Variants in CFHR4 observed in about 807,000 individuals in gnomAD.
CFHR4 encodes the protein complement factor H-related protein 4.
Under a neutral mutation model 69.3 loss-of-function variants are expected in CFHR4, and 64 were observed. That is an observed-to-expected ratio of 0.92 (90% CI 0.76 to 1.14). The LOEUF is 1.14. Among genes scored for constraint, CFHR4 ranks in the 50% most tolerant of loss-of-function variants. The pLI, the probability that CFHR4 is intolerant of heterozygous loss-of-function variation, is 0.00. For missense variants in CFHR4, 636 were observed against 684.9 expected, an observed-to-expected ratio of 0.93 and a Z score of 0.80; for synonymous variants, 244 against 237.0, an observed-to-expected ratio of 1.03 and a Z score of -0.27.
At chr1:196,911,349 T>A (rs1187285586) in intron 6 of CFHR4, among the ~76,000 whole-genome samples, 2 of 151,522 alleles carry the variant, frequency 1.3e-5, no homozygotes, top group East Asian at 3.9e-4. Flanking sequence ...CGGATTAAAG[T>A]AACATTGCTT....
intron 1 of CFHR4, among the ~76,000 whole-genome samples, chr1:196,900,034 T>C (rs903748122): frequency 1.3e-5 from 2 of 151,488 alleles, no homozygotes; most frequent in Non-Finnish European, 1.5e-5. Flanking sequence ...TCCAGAAGAA[T>C]CCTACGTGCA....
intron 1 of CFHR4, among the ~76,000 whole-genome samples, chr1:196,890,269 GGCAAA>G (rs1225965505): frequency 6.6e-6 from 1 of 151,356 alleles, no homozygotes; most frequent in African/African-American, 2.4e-5. Context: ...TTCAGAATCT[GGCAAA>G]GCAAACCTGA....
intron 1 of CFHR4, among the ~76,000 whole-genome samples, chr1:196,890,781 G>A (rs1189024769): frequency 6.6e-6 from 1 of 151,202 alleles, no homozygotes; most frequent in African/African-American, 2.4e-5. Context: ...TGTATTTCAC[G>A]TGCCCCCATT....
At chr1:196,907,111 TATGTGTATGA>T in intron 4 of CFHR4, 74 bp downstream of exon 4, 3 of 1,383,100 alleles carry the variant, frequency 2.2e-6, no homozygotes, top group Non-Finnish European at 3.0e-6. Flanking sequence ...TATGTACACA[TATGTGTATGA>T]ATACATATGT....
intron 5 of CFHR4, among the ~76,000 whole-genome samples, chr1:196,909,488 C>T (rs1161042481): frequency 4.0e-5 from 6 of 151,334 alleles, no homozygotes; most frequent in African/African-American, 9.8e-5. Context: ...TTGTAAACAG[C>T]CCCTGAATGT....
chr1:196,894,350 C>T (rs1160193573), intron 1 of CFHR4, among the ~76,000 whole-genome samples: 3 of 151,460 alleles, frequency 2.0e-5, no homozygotes, highest in Admixed American at 1.3e-4. Flanking sequence ...ACCATTGTTA[C>T]CATAATGCTA....
intron 1 of CFHR4, among the ~76,000 whole-genome samples, chr1:196,896,879 G>T (rs894110151): frequency 6.6e-6 from 1 of 151,434 alleles, no homozygotes; most frequent in Non-Finnish European, 1.5e-5. Flanking sequence ...AGAATAACAA[G>T]CTAATGAATT....
intron 8 of CFHR4, 114 bp from the exon 9 acceptor site, chr1:196,914,842 A>G (rs1418113010): frequency 1.1e-5 from 16 of 1,499,650 alleles, no homozygotes; most frequent in Non-Finnish European, 1.4e-5. Flanking sequence ...GAAAATGCAG[A>G]TGTCTTCCTA....
rs575564104 is a variant in CFHR4, at chr1:196,910,175, A to G, written c.800-106A>G. The G allele has an allele frequency of 2.9e-4, 219 of 750,962 alleles. 4 individuals carry two copies. The South Asian group carries it at 6.0e-3, about 20-fold the overall frequency. The allele number at this position is 750,962 out of a possible 1,614,324, so 46.5% of individuals were successfully genotyped here. A position where few individuals can be genotyped will look rare whatever the true frequency, so the allele number is the denominator to read the frequency against. On this transcript the variant is annotated intron_variant, in intron 5 of 9. Coordinates refer to ENST00000608469, the MANE Select transcript of CFHR4 (RefSeq NM_001201550.3). ...TAAAAAAAAAAAAAAAGTAAAGAAA[A>G]AAAAAAACATTATTTGGAAGGTAAC...
At chr1:196,891,102 A>T (rs1657006811) in intron 1 of CFHR4, among the ~76,000 whole-genome samples, 1 of 151,212 alleles carries the variant, frequency 6.6e-6, no homozygotes, top group Non-Finnish European at 1.5e-5. Flanking sequence ...AATTCAAAAA[A>T]TTAGCCAGGT....
chr1:196,905,448 T>A (rs1657858520), intron 3 of CFHR4, among the ~76,000 whole-genome samples, 158 bp downstream of exon 3: 1 of 151,580 alleles, frequency 6.6e-6, no homozygotes, highest in South Asian at 2.1e-4. Flanking sequence ...TAAGTCTTTT[T>A]TGCCTTTTTA....
Position 196,907,358 on chromosome 1 carries a change from G to C in CFHR4, c.659G>C (p.Gly220Ala). ...NCGPPPPISN[G>A]DTTSFPQKVY... The stretch of plus-strand genomic sequence containing the variant: ...GGGCCTCCTCCACCTATTAGCAATG[G>C]AGATACCACGTCCTTCCCGCAAAAA... Residue 220 changes from glycine to alanine, a missense_variant, in exon 5 of 10, where the codon GGA becomes GCA. Coordinates refer to ENST00000608469, the MANE Select transcript of CFHR4 (RefSeq NM_001201550.3). 1 of 1,611,680 alleles carries C rather than the reference G, an allele frequency of 6.2e-7. No individual in the cohort carries two copies. The highest frequency in any genetic ancestry group is 8.5e-7 in the Non-Finnish European group (1 of 1,179,028).
chr1:196,900,998 G>C (rs943214983), intron 1 of CFHR4, among the ~76,000 whole-genome samples: 22 of 151,298 alleles, frequency 1.5e-4, no homozygotes. Flanking sequence ...TGTAGAAACC[G>C]GTTGAAAAAT....
rs139727188 is a variant in CFHR4, at chr1:196,910,586, G to A, written c.997+108G>A. On this transcript the variant is annotated intron_variant, in intron 6 of 9. Transcript: ENST00000608469. ...TTATATGACAGAGATGGTACCAAAGGAAGAGTTGTTCATGCAAAAACACCA... is the reference window on the plus strand; with the variant it reads ...TTATATGACAGAGATGGTACCAAAGAAAGAGTTGTTCATGCAAAAACACCA... 1.7e-4 allele frequency: 153 copies of A among 914,026 alleles called. 5 individuals are homozygous for A. In the East Asian group the frequency reaches 2.7e-3, roughly 16 times the overall value. 56.6% of individuals were successfully genotyped at this position (914,026 alleles called of 1,614,324 possible).
In CFHR4 at chr1:196,909,705, T is replaced by G. The variant is rs182873954; in HGVS notation, c.800-576T>G. Among the ~76,000 whole-genome samples the G allele has an allele frequency of 1.7e-3, 256 of 151,112 alleles. 7 individuals carry two copies. The highest frequency in any genetic ancestry group is 5.9e-3 in the African/African-American group (241 of 40,946). On this transcript the variant is annotated intron_variant, in intron 5 of 9. Coordinates refer to ENST00000608469, the MANE Select transcript of CFHR4 (RefSeq NM_001201550.3). ...GAATGATATCATCAAAAATGAAAAG[T>G]TTACCATGGAAGAACTGGGCTTAAT...
In CFHR4 at chr1:196,904,984, G is replaced by C. The variant is rs146590711; in HGVS notation, c.257-124G>C. ...AGATGTCTAGGAAACTTCCAGTTTT[G>C]CTGTTTTCAATTCATTAACAGATGT... On this transcript the variant is annotated intron_variant, in intron 2 of 9. Transcript: ENST00000608469. 5.5e-4 allele frequency: 516 copies of C among 933,298 alleles called. 18 individuals are homozygous for C. The African/African-American group carries it at 8.6e-3, about 16-fold the overall frequency. The allele number at this position is 933,298 out of a possible 1,614,324, so 57.8% of individuals were successfully genotyped here. A position where few individuals can be genotyped will look rare whatever the true frequency, so the allele number is the denominator to read the frequency against.
chr1:196,914,221 G>T (rs1465607877), intron 7 of CFHR4, among the ~76,000 whole-genome samples: 1 of 151,236 alleles, frequency 6.6e-6, no homozygotes, highest in Non-Finnish European at 1.5e-5. Context: ...CAGCCAATGA[G>T]ATTTTTCACA....
chr1:196,917,716 C>T (rs2124981858), intron 9 of CFHR4, among the ~76,000 whole-genome samples: 1 of 151,494 alleles, frequency 6.6e-6, no homozygotes, highest in East Asian at 1.9e-4. Context: ...TAATAGATGA[C>T]TATTAGAAAG....
intron 6 of CFHR4, 94 bp from the exon 7 acceptor site, chr1:196,912,646 T>C: frequency 7.6e-7 from 1 of 1,324,092 alleles, no homozygotes. Flanking sequence ...AAATGTTTCA[T>C]TGTTTTGCCA....
Sources: gnomAD v4.1 joint callset for allele counts (sites outside exome capture counted in the v4.1 genomes callset) on GRCh38, gnomAD v4.1.1 for gene constraint, MANE v1.5 for transcripts, NCBI Gene and HGNC (gene_info 2026-07-23, HGNC 2026-07-21) for gene names.